ZNF735: variants seen among roughly 807,000 people sequenced by gnomAD.
ZNF735 encodes the protein putative zinc finger protein 735.
Under a neutral mutation model 13.4 loss-of-function variants are expected in ZNF735, and 11 were observed. That is an observed-to-expected ratio of 0.82 (90% CI 0.52 to 1.36). The LOEUF (loss-of-function observed/expected upper bound fraction) is 1.36, where lower values mean the gene tolerates loss of function less well. Among genes scored for constraint, ZNF735 ranks in the 40% most tolerant of loss-of-function variants. The pLI is 0.00. For missense variants in ZNF735, 500 were observed against 484.6 expected (o/e 1.03, Z -0.30); for synonymous variants, 171 against 162.6 (o/e 1.05, Z -0.39).
At chr7:64,214,186 G>T in intron 3 of ZNF735, 78 bp downstream of exon 3, 1 of 1,447,126 alleles carries the variant, frequency 6.9e-7, no homozygotes, top group Non-Finnish European at 9.4e-7. Context: ...TTAAAATGTG[G>T]TCTGCAGAGC....
At chr7:64,208,244 GT>G (rs71060562) in intron 1 of ZNF735, among the ~76,000 whole-genome samples, 275 of 92,996 alleles carry the variant, frequency 3.0e-3, no homozygotes, top group Non-Finnish European at 4.1e-3. Context: ...TCCAATAAAT[GT>G]TTTTTTTTTT....
chr7:64,216,854 C>T lies in ZNF735; in HGVS notation c.263-2460C>T, dbSNP rs569253524. ...GTTCTTGCCCTGAATGATCCTACCA[C>T]CTTTGCCTCCCAAAGTACTGGGGTT... is the stretch of plus-strand genomic sequence containing the variant. On this transcript the variant is annotated intron_variant, in intron 3 of 3. Transcript: ENST00000429565. Among the ~76,000 whole-genome samples the T allele has an allele frequency of 3.8e-3, 574 of 152,284 alleles. 2 individuals carry two copies. Among genetic ancestry groups the T allele is most frequent in the African/African-American group, 0.013 (530 of 41,554 alleles).
chr7:64,218,748 T>C (rs1235081046), intron 3 of ZNF735, among the ~76,000 whole-genome samples: 1 of 152,224 alleles, frequency 6.6e-6, no homozygotes, highest in Non-Finnish European at 1.5e-5. Context: ...CCTTTCACAA[T>C]CTTTGTAATG....
At chr7:64,211,708 A>T (rs1253390542) in intron 1 of ZNF735, among the ~76,000 whole-genome samples, 2 of 151,880 alleles carry the variant, frequency 1.3e-5, no homozygotes, top group Non-Finnish European at 2.9e-5. Context: ...TACTAAAAAA[A>T]TACAAAAAAT....
intron 3 of ZNF735, among the ~76,000 whole-genome samples, chr7:64,214,814 G>C (rs1173714487): frequency 2.0e-5 from 3 of 151,076 alleles, no homozygotes; most frequent in Non-Finnish European, 4.4e-5. Flanking sequence ...TATTTTTTAT[G>C]ATGGCTGCAT....
intron 1 of ZNF735, among the ~76,000 whole-genome samples, chr7:64,210,231 G>A (rs1787339720): frequency 6.6e-6 from 1 of 152,150 alleles, no homozygotes. Context: ...TCCAGGTGCA[G>A]ATTTACTCAG....
intron 1 of ZNF735, among the ~76,000 whole-genome samples, chr7:64,210,915 C>T (rs150557761): frequency 0.023 from 3,469 of 152,120 alleles, 138 homozygotes; most frequent in African/African-American, 0.077. Flanking sequence ...GAGCATCTTA[C>T]CTGAAAATAC....
intron 3 of ZNF735, among the ~76,000 whole-genome samples, chr7:64,214,469 AT>A (rs1480362438): frequency 6.6e-6 from 1 of 152,150 alleles, no homozygotes; most frequent in Non-Finnish European, 1.5e-5. Context: ...ATGTTAAACC[AT>A]TTAAAAAACT....
intron 1 of ZNF735, among the ~76,000 whole-genome samples, chr7:64,209,229 T>G (rs1207969396): frequency 1.9e-5 from 1 of 52,308 alleles, no homozygotes; most frequent in African/African-American, 5.7e-5. Context: ...ATCTGTTCCG[T>G]TTTTTTTTTT....
In ZNF735 at chr7:64,219,311, C is replaced by T; in HGVS notation, c.263-3C>T. The T allele has an allele frequency of 6.2e-7, 1 of 1,608,068 alleles. No homozygotes were observed. The highest frequency in any genetic ancestry group is 8.5e-7 in the Non-Finnish European group (1 of 1,178,446). Reference sequence around the variant, plus strand: ...AGTAACTTGTGATTTTTATGTCTTTCAGTTACATGTTCTCATTTCAACCAA... The same window carrying T: ...AGTAACTTGTGATTTTTATGTCTTTTAGTTACATGTTCTCATTTCAACCAA... On this transcript the variant is annotated splice_polypyrimidine_tract_variant and splice_region_variant and intron_variant, in intron 3 of 3. Transcript: ENST00000429565.
intron 3 of ZNF735, among the ~76,000 whole-genome samples, chr7:64,216,875 G>C (rs1343130853): frequency 6.6e-6 from 1 of 152,034 alleles, no homozygotes; most frequent in African/African-American, 2.4e-5. Context: ...CAAAGTACTG[G>C]GGTTACACCT....
chr7:64,217,687 T>C (rs931475142), intron 3 of ZNF735, among the ~76,000 whole-genome samples: 1 of 152,050 alleles, frequency 6.6e-6, no homozygotes, highest in African/African-American at 2.4e-5. Context: ...TTATATAATA[T>C]CAGTCTTTGT....
chr7:64,208,260 T>TTTTTG (rs1787315928), intron 1 of ZNF735, among the ~76,000 whole-genome samples: 1 of 65,126 alleles, frequency 1.5e-5, no homozygotes, highest in African/African-American at 6.0e-5. Context: ...TTTTTTTTTT[T>TTTTTG]TTTTTTTTTT....
At chr7:64,212,990 C>A in intron 1 of ZNF735, 102 bp from the exon 2 acceptor site, 1 of 1,257,094 alleles carries the variant, frequency 8.0e-7, no homozygotes, top group Non-Finnish European at 1.1e-6. Flanking sequence ...AAGTGAGAAA[C>A]ACTTCTTTTT....
intron 3 of ZNF735, 29 bp downstream of exon 3, chr7:64,214,137 A>T: frequency 6.3e-7 from 1 of 1,594,776 alleles, no homozygotes; most frequent in Non-Finnish European, 8.5e-7. Flanking sequence ...AGCAGATGAC[A>T]CGGATGAGAT....
chr7:64,208,244 GTTTTTTTTTTTTTTTTTTTT>G (rs71060562), intron 1 of ZNF735, among the ~76,000 whole-genome samples: 3 of 93,082 alleles, frequency 3.2e-5, no homozygotes, highest in Non-Finnish European at 6.3e-5. Context: ...TCCAATAAAT[GTTTTTTTTTTTTTTTTTTTT>G]TTTTTTTTTT....
At chr7:64,212,686 G>A (rs1409239216) in intron 1 of ZNF735, among the ~76,000 whole-genome samples, 6 of 151,834 alleles carry the variant, frequency 4.0e-5, no homozygotes, top group Admixed American at 2.0e-4. Context: ...CCAGCTACTC[G>A]GGAGACTGAG....
chr7:64,208,245 T>G (rs1263933428), intron 1 of ZNF735, among the ~76,000 whole-genome samples: 2 of 16,166 alleles, frequency 1.2e-4, no homozygotes, highest in African/African-American at 3.8e-4. Context: ...CCAATAAATG[T>G]TTTTTTTTTT....
chr7:64,211,479 T>C (rs1335600132), intron 1 of ZNF735, among the ~76,000 whole-genome samples: 1 of 152,178 alleles, frequency 6.6e-6, no homozygotes, highest in Non-Finnish European at 1.5e-5. Flanking sequence ...TCCAGGGTGC[T>C]AAACAAAGAC....
Sources: gnomAD v4.1 joint callset for allele counts (sites outside exome capture counted in the v4.1 genomes callset) on GRCh38, gnomAD v4.1.1 for gene constraint, MANE v1.5 for transcripts, NCBI Gene and HGNC (gene_info 2026-07-23, HGNC 2026-07-21) for gene names.